The following TACR3 variants were observed in gnomAD, a reference collection of about 807,000 sequenced individuals.
TACR3 encodes the protein neuromedin-K receptor.
Under a neutral mutation model 35.0 loss-of-function variants are expected in TACR3, and 34 were observed. That is an observed-to-expected ratio of 0.97 (90% confidence interval 0.74 to 1.30). TACR3 has a LOEUF of 1.30. TACR3 is among the 50% of genes most tolerant of loss of function. The pLI is 0.00. For missense variants in TACR3, 558 were observed against 591.7 expected (o/e 0.94, Z 0.59); for synonymous variants, 233 against 221.1 (o/e 1.05, Z -0.48).
chr4:103,606,824 G>C (rs1229877367), intron 3 of TACR3, among the ~76,000 whole-genome samples: 2 of 152,052 alleles, frequency 1.3e-5, no homozygotes, highest in African/African-American at 2.4e-5. Flanking sequence ...TCCTTCTCCG[G>C]CCTAATTGCC....
At chr4:103,706,253 A>G (rs1232875267) in intron 1 of TACR3, among the ~76,000 whole-genome samples, 3 of 152,192 alleles carry the variant, frequency 2.0e-5, no homozygotes, top group African/African-American at 4.8e-5. Flanking sequence ...TCAAGGAGGT[A>G]ACTGAGTATA....
chr4:103,698,314 T>C (rs1578262183), intron 1 of TACR3, among the ~76,000 whole-genome samples: 1 of 152,108 alleles, frequency 6.6e-6, no homozygotes, highest in Non-Finnish European at 1.5e-5. Flanking sequence ...TTTGGATTAA[T>C]AGTACTTATA....
At chr4:103,703,975 G>T (rs1722724557) in intron 1 of TACR3, among the ~76,000 whole-genome samples, 1 of 151,616 alleles carries the variant, frequency 6.6e-6, no homozygotes. Context: ...GTGGTAGCAG[G>T]CGCCTCTAGT....
At chr4:103,632,859 A>C (rs1226823189) in intron 3 of TACR3, among the ~76,000 whole-genome samples, 1 of 152,104 alleles carries the variant, frequency 6.6e-6, no homozygotes, top group African/African-American at 2.4e-5. Flanking sequence ...AAATGTAGCC[A>C]CAATATTCAT....
intron 3 of TACR3, among the ~76,000 whole-genome samples, chr4:103,643,726 A>T (rs1337367917): frequency 6.6e-6 from 1 of 151,756 alleles, no homozygotes; most frequent in Admixed American, 6.6e-5. Flanking sequence ...TAATTGATAT[A>T]ATTCTCAGTT....
At chr4:103,669,836 ATTT>A (rs1048165468) in intron 1 of TACR3, among the ~76,000 whole-genome samples, 5 of 150,378 alleles carry the variant, frequency 3.3e-5, no homozygotes, top group Admixed American at 6.6e-5. Flanking sequence ...CCATTTATGG[ATTT>A]TTTTTTCTTT....
chr4:103,600,077 TC>T (rs1397653895), intron 3 of TACR3, among the ~76,000 whole-genome samples: 9 of 152,106 alleles, frequency 5.9e-5, no homozygotes, highest in African/African-American at 1.9e-4. Flanking sequence ...TGTGAATCCA[TC>T]TGGTCCTGGA....
At chr4:103,686,484 T>C (rs1722244304) in intron 1 of TACR3, among the ~76,000 whole-genome samples, 1 of 152,008 alleles carries the variant, frequency 6.6e-6, no homozygotes, top group Non-Finnish European at 1.5e-5. Context: ...AAACACTCCA[T>C]AAAATTAGTA....
chr4:103,701,862 A>G (rs1356707645), intron 1 of TACR3, among the ~76,000 whole-genome samples: 2 of 152,060 alleles, frequency 1.3e-5, no homozygotes, highest in African/African-American at 4.8e-5. Flanking sequence ...GAAAGCTGAA[A>G]CTGGATCCCT....
chr4:103,599,631 C>T (rs1473988226), intron 3 of TACR3, among the ~76,000 whole-genome samples: 1 of 152,166 alleles, frequency 6.6e-6, no homozygotes, highest in Non-Finnish European at 1.5e-5. Context: ...TACGTCCCAT[C>T]AATACCTAAT....
At chr4:103,628,773 A>G (rs192899393) in intron 3 of TACR3, among the ~76,000 whole-genome samples, 1 of 152,302 alleles carries the variant, frequency 6.6e-6, no homozygotes, top group East Asian at 1.9e-4. Flanking sequence ...ATAGAAAAAG[A>G]GGGAATCCTC....
rs765830688 is a variant in TACR3, at chr4:103,589,681, A to G, written c.*1T>C. ...CTAATCTTTTACCTCAGGAAATGGA[A>G]TTAAGAATATTCATCCACAGAGGTA... On this transcript the variant is annotated 3_prime_UTR_variant, in exon 5 of 5. Coordinates refer to ENST00000304883, the MANE Select transcript of TACR3 (RefSeq NM_001059.3). The G allele has an allele frequency of 7.4e-5, 119 of 1,613,834 alleles. 2 individuals are homozygous for G. Among genetic ancestry groups the G allele is most frequent in the South Asian group, 6.5e-4 (59 of 91,090 alleles).
chr4:103,615,291 T>C (rs1724622817), intron 3 of TACR3, among the ~76,000 whole-genome samples: 2 of 152,230 alleles, frequency 1.3e-5, no homozygotes, highest in South Asian at 2.1e-4. Flanking sequence ...CAAATACTTC[T>C]GTCAAATTTC....
chr4:103,602,938 C>T (rs1273696569), intron 3 of TACR3, among the ~76,000 whole-genome samples: 1 of 152,230 alleles, frequency 6.6e-6, no homozygotes, highest in African/African-American at 2.4e-5. Flanking sequence ...ACATTTAAGT[C>T]TGCAGAGGTT....
intron 1 of TACR3, among the ~76,000 whole-genome samples, chr4:103,683,148 T>A (rs1390398457): frequency 6.6e-6 from 1 of 152,072 alleles, no homozygotes; most frequent in African/African-American, 2.4e-5. Context: ...CTAGAAAATA[T>A]TTTGAACAGA....
rs1204568574 is a variant in TACR3 at position 103,586,135 on chromosome 4, T to A, written c.*3547A>T. ...GTGTAAATACATTAAACATATTCAA[T>A]ATAATTACCACAACTTGAAAATACT... is the stretch of plus-strand genomic sequence containing the variant. On this transcript the variant is annotated 3_prime_UTR_variant, in exon 5 of 5. Coordinates refer to ENST00000304883, the MANE Select transcript of TACR3 (RefSeq NM_001059.3). 6.6e-6 allele frequency: 1 copy of A among 152,064 alleles called. No homozygotes were observed. Among genetic ancestry groups the A allele is most frequent in the African/African-American group, 2.4e-5 (1 of 41,438 alleles). The allele number at this position is 152,064 out of a possible 1,614,324, so 9.4% of individuals were successfully genotyped here. A position where few individuals can be genotyped will look rare whatever the true frequency, so the allele number is the denominator to read the frequency against.
At chr4:103,642,403 G>A (rs1194320117) in intron 3 of TACR3, among the ~76,000 whole-genome samples, 1 of 151,642 alleles carries the variant, frequency 6.6e-6, no homozygotes, top group Non-Finnish European at 1.5e-5. Flanking sequence ...ATTATTATTT[G>A]TCTATTATAA....
chr4:103,653,454 G>A (rs1214220780), intron 3 of TACR3, among the ~76,000 whole-genome samples: 1 of 151,754 alleles, frequency 6.6e-6, no homozygotes, highest in Non-Finnish European at 1.5e-5. Flanking sequence ...CAATCACTGG[G>A]TTTATTTTAA....
Position 103,669,985 on chromosome 4 carries a change from A to AT in TACR3, c.549-11583dup, listed in dbSNP as rs551480008. ...TAAGTCTTTAATTAATTTTTATTTG[A>AT]TTTTTTATATGGTGAGAGATAGAGG... is the stretch of plus-strand genomic sequence containing the variant. On this transcript the variant is annotated intron_variant, in intron 1 of 4. Coordinates refer to ENST00000304883, the MANE Select transcript of TACR3 (RefSeq NM_001059.3). Among the ~76,000 whole-genome samples, 162 of 151,900 alleles carry AT rather than the reference A, an allele frequency of 1.1e-3. 1 individual carries two copies. The highest frequency in any genetic ancestry group is 3.0e-3 in the Admixed American group (46 of 15,236).
Sources: allele counts gnomAD v4.1 joint callset (sites outside exome capture counted in the v4.1 genomes callset), GRCh38; gene constraint gnomAD v4.1.1; transcripts MANE v1.5; gene names NCBI Gene and HGNC (gene_info 2026-07-23, HGNC 2026-07-21).